UNC5C: variants seen among roughly 807,000 people sequenced by gnomAD.
UNC5C encodes the protein unc-5 netrin receptor C, also known as netrin receptor UNC5C.
UNC5C carries 47 observed loss-of-function variants against 99.8 expected under a neutral mutation model. That is an observed-to-expected ratio of 0.47 (90% CI 0.37 to 0.60). The LOEUF is 0.60. Ranked by LOEUF, UNC5C falls within the 20% of genes least tolerant of loss-of-function variation. UNC5C has a pLI of 0.00. For missense variants in UNC5C, 1,062 were observed against 1,165.9 expected (o/e 0.91, Z 1.30); for synonymous variants, 487 against 452.2 (o/e 1.08, Z -0.98).
At chr4:95,414,257 C>T (rs1746094203) in intron 1 of UNC5C, among the ~76,000 whole-genome samples, 1 of 150,390 alleles carries the variant, frequency 6.6e-6, no homozygotes, top group Admixed American at 6.6e-5. Context: ...GAGAAAGTTA[C>T]CAAAAAAGAG....
intron 3 of UNC5C, among the ~76,000 whole-genome samples, chr4:95,283,821 T>C (rs964559303): frequency 6.6e-6 from 1 of 152,238 alleles, no homozygotes; most frequent in Non-Finnish European, 1.5e-5. Flanking sequence ...TATGAAGTCC[T>C]TTCATTAATA....
chr4:95,189,685 T>C (rs1736990144), intron 12 of UNC5C, among the ~76,000 whole-genome samples: 1 of 152,138 alleles, frequency 6.6e-6, no homozygotes, highest in Non-Finnish European at 1.5e-5. Context: ...GCGAAGGATA[T>C]GAACAGACAC....
At chr4:95,443,002 G>C (rs1439278473) in intron 1 of UNC5C, among the ~76,000 whole-genome samples, 1 of 152,178 alleles carries the variant, frequency 6.6e-6, no homozygotes, top group African/African-American at 2.4e-5. Flanking sequence ...TCCAGTTGGG[G>C]AGCATGAGGA....
At chr4:95,183,800 C>T (rs1357691000) in intron 13 of UNC5C, among the ~76,000 whole-genome samples, 1 of 152,184 alleles carries the variant, frequency 6.6e-6, no homozygotes, top group African/African-American at 2.4e-5. Context: ...CCTTATTTCG[C>T]TTACTTGATA....
chr4:95,175,659 C>T (rs1736310409), intron 14 of UNC5C, among the ~76,000 whole-genome samples: 1 of 152,116 alleles, frequency 6.6e-6, no homozygotes, highest in Non-Finnish European at 1.5e-5. Context: ...CGACCTTTCT[C>T]TCTGGCTGCC....
At chr4:95,528,912 G>A (rs1422230700) in intron 1 of UNC5C, among the ~76,000 whole-genome samples, 2 of 152,124 alleles carry the variant, frequency 1.3e-5, no homozygotes, top group African/African-American at 4.8e-5. Context: ...TCTTATTAAA[G>A]GCAATGAAAG....
intron 3 of UNC5C, among the ~76,000 whole-genome samples, chr4:95,288,198 T>C (rs2865433): frequency 0.66 from 99,773 of 151,214 alleles, 33,932 homozygotes; most frequent in African/African-American, 0.84. Flanking sequence ...TTCTCCTGCC[T>C]CAGCCTCCCG....
intron 10 of UNC5C, among the ~76,000 whole-genome samples, chr4:95,215,611 A>G (rs1254928869): frequency 6.6e-6 from 1 of 152,212 alleles, no homozygotes; most frequent in African/African-American, 2.4e-5. Context: ...TGTGGAATTT[A>G]TAAGTGTTAA....
At chr4:95,339,920 C>T (rs1420443929) in intron 1 of UNC5C, among the ~76,000 whole-genome samples, 2 of 151,714 alleles carry the variant, frequency 1.3e-5, no homozygotes, top group South Asian at 2.1e-4. Flanking sequence ...ATTCATTTTA[C>T]CCTCCTCTGA....
chr4:95,354,223 A>C (rs926195801), intron 1 of UNC5C, among the ~76,000 whole-genome samples: 2 of 151,884 alleles, frequency 1.3e-5, no homozygotes, highest in Admixed American at 1.3e-4. Context: ...GTAAGATCTG[A>C]CTAAGTCCCC....
At chr4:95,261,723 A>G (rs1220291628) in intron 4 of UNC5C, among the ~76,000 whole-genome samples, 1 of 120,292 alleles carries the variant, frequency 8.3e-6, no homozygotes, top group East Asian at 2.9e-4. Flanking sequence ...TTTTTTTTTG[A>G]AACGGTGTCT....
chr4:95,537,655 A>C (rs1167297811), intron 1 of UNC5C, among the ~76,000 whole-genome samples: 1 of 152,208 alleles, frequency 6.6e-6, no homozygotes, highest in Non-Finnish European at 1.5e-5. Flanking sequence ...ATATATAAGC[A>C]ACTCTTTTGG....
At chr4:95,354,296 G>A (rs1744092973) in intron 1 of UNC5C, among the ~76,000 whole-genome samples, 1 of 151,368 alleles carries the variant, frequency 6.6e-6, no homozygotes, top group South Asian at 2.1e-4. Context: ...TGCCCACATG[G>A]TCTATAGGGC....
chr4:95,440,288 T>C (rs1163194598), intron 1 of UNC5C, among the ~76,000 whole-genome samples: 1 of 152,164 alleles, frequency 6.6e-6, no homozygotes, highest in Non-Finnish European at 1.5e-5. Context: ...TTTCCCTATG[T>C]GCTAGTATTA....
At chr4:95,391,117 T>G (rs144371536) in intron 1 of UNC5C, among the ~76,000 whole-genome samples, 1 of 152,324 alleles carries the variant, frequency 6.6e-6, no homozygotes, top group East Asian at 1.9e-4. Context: ...AGATGTGTCT[T>G]TGCTCCTTCT....
intron 4 of UNC5C, among the ~76,000 whole-genome samples, chr4:95,269,702 G>C (rs1332372746): frequency 6.6e-6 from 1 of 151,464 alleles, no homozygotes; most frequent in Non-Finnish European, 1.5e-5. Context: ...GAATAGCAAG[G>C]CCTTGACAAT....
intron 1 of UNC5C, among the ~76,000 whole-genome samples, chr4:95,445,492 C>A (rs926297414): frequency 6.6e-6 from 1 of 152,006 alleles, no homozygotes; most frequent in African/African-American, 2.4e-5. Context: ...AATAGTACAC[C>A]CTGTGATAGA....
chr4:95,548,172 G>A (rs1560502191), intron 1 of UNC5C, among the ~76,000 whole-genome samples: 1 of 151,922 alleles, frequency 6.6e-6, no homozygotes, highest in Non-Finnish European at 1.5e-5. Flanking sequence ...CACAGCACCT[G>A]AAGCAGCAGG....
chr4:95,515,198 T>G (rs1254259941), intron 1 of UNC5C, among the ~76,000 whole-genome samples: 1 of 152,196 alleles, frequency 6.6e-6, no homozygotes, highest in Non-Finnish European at 1.5e-5. Flanking sequence ...AATATATGCT[T>G]CTAGTAGTAT....
Sources: allele counts gnomAD v4.1 joint callset (sites outside exome capture counted in the v4.1 genomes callset), GRCh38; gene constraint gnomAD v4.1.1; transcripts MANE v1.5; gene names NCBI Gene and HGNC (gene_info 2026-07-23, HGNC 2026-07-21).